Variants in PPARGC1B observed in about 807,000 individuals in gnomAD.
PPARGC1B encodes the protein peroxisome proliferator-activated receptor gamma coactivator 1-beta.
Under a neutral mutation model 101.6 loss-of-function variants are expected in PPARGC1B, and 34 were observed. The ratio of observed to expected loss-of-function variants is 0.33; its 90% CI spans 0.25 to 0.45. The LOEUF (loss-of-function observed/expected upper bound fraction) is 0.45. Among genes scored for constraint, PPARGC1B ranks in the 20% least tolerant of loss-of-function variants. PPARGC1B has a pLI of 1.00. For missense variants in PPARGC1B, 1,234 were observed against 1,317.6 expected, an observed-to-expected ratio of 0.94 and a Z score of 0.98; for synonymous variants, 548 against 539.3, an observed-to-expected ratio of 1.02 and a Z score of -0.22.
intron 1 of PPARGC1B, among the ~76,000 whole-genome samples, chr5:149,755,535 G>T (rs556420633): frequency 6.6e-6 from 1 of 151,890 alleles, no homozygotes; most frequent in Non-Finnish European, 1.5e-5. Flanking sequence ...TTTGGGCCAC[G>T]GTTGCAGAAG....
chr5:149,804,100 G>A (rs1757518751), intron 1 of PPARGC1B, among the ~76,000 whole-genome samples: 1 of 152,254 alleles, frequency 6.6e-6, no homozygotes. Context: ...AATGGATGCG[G>A]AAGGAAACCA....
chr5:149,801,386 G>A (rs1338738349), intron 1 of PPARGC1B, among the ~76,000 whole-genome samples: 2 of 152,230 alleles, frequency 1.3e-5, no homozygotes, highest in Admixed American at 1.3e-4. Context: ...AGGATGAATA[G>A]GAGATAAGTA....
chr5:149,731,546 G>C (rs2113046339), intron 1 of PPARGC1B, among the ~76,000 whole-genome samples: 1 of 150,270 alleles, frequency 6.7e-6, no homozygotes, highest in African/African-American at 2.4e-5. Context: ...GCGGGGGCTG[G>C]TTTGGTACCT....
intron 1 of PPARGC1B, among the ~76,000 whole-genome samples, chr5:149,801,116 T>C (rs931486763): frequency 2.0e-5 from 3 of 152,166 alleles, no homozygotes; most frequent in Non-Finnish European, 2.9e-5. Context: ...GTGGGTGATA[T>C]GGGCACAAGG....
At chr5:149,767,304 A>G (rs889903380) in intron 1 of PPARGC1B, among the ~76,000 whole-genome samples, 20 of 152,146 alleles carry the variant, frequency 1.3e-4, no homozygotes, top group African/African-American at 4.1e-4. Flanking sequence ...TCCCCGCTCT[A>G]TGAGATATGG....
intron 1 of PPARGC1B, among the ~76,000 whole-genome samples, chr5:149,774,020 G>T (rs564708029): frequency 6.6e-6 from 1 of 152,312 alleles, no homozygotes; most frequent in South Asian, 2.1e-4. Context: ...GAGCCTCAGG[G>T]CTCCAGCCTG....
intron 1 of PPARGC1B, among the ~76,000 whole-genome samples, chr5:149,750,468 A>ATG: frequency 1.2e-5 from 1 of 81,918 alleles, no homozygotes; most frequent in African/African-American, 6.0e-5. Context: ...ATATATATAT[A>ATG]TATATATATA....
chr5:149,755,497 G>GTAAA (rs1755483953), intron 1 of PPARGC1B, among the ~76,000 whole-genome samples: 1 of 152,144 alleles, frequency 6.6e-6, no homozygotes, highest in South Asian at 2.1e-4. Context: ...GCTGTTAGAT[G>GTAAA]TAAACCCTGG....
chr5:149,823,595 C>A (rs993356772), intron 2 of PPARGC1B, among the ~76,000 whole-genome samples: 5 of 152,102 alleles, frequency 3.3e-5, no homozygotes, highest in Admixed American at 6.5e-5. Flanking sequence ...AATTTGCACT[C>A]TGTTTCTGTG....
At chr5:149,792,357 A>G (rs1305345279) in intron 1 of PPARGC1B, among the ~76,000 whole-genome samples, 2 of 151,750 alleles carry the variant, frequency 1.3e-5, no homozygotes, top group Non-Finnish European at 2.9e-5. Context: ...GTGGGGTGCT[A>G]CTCCCTCATT....
At chr5:149,788,968 C>T (rs1281669671) in intron 1 of PPARGC1B, among the ~76,000 whole-genome samples, 1 of 152,082 alleles carries the variant, frequency 6.6e-6, no homozygotes, top group Non-Finnish European at 1.5e-5. Flanking sequence ...GGAGATACAC[C>T]TAATGTAGAT....
intron 1 of PPARGC1B, among the ~76,000 whole-genome samples, chr5:149,783,483 C>A (rs970484238): frequency 6.6e-6 from 1 of 152,084 alleles, no homozygotes; most frequent in African/African-American, 2.4e-5. Context: ...ACCAGATAAG[C>A]GAGTGTGTGA....
At chr5:149,807,406 A>G (rs1170692335) in intron 1 of PPARGC1B, among the ~76,000 whole-genome samples, 4 of 152,052 alleles carry the variant, frequency 2.6e-5, no homozygotes, top group Non-Finnish European at 5.9e-5. Context: ...GCAGGGTGTC[A>G]GTGGTCGCCC....
chr5:149,760,337 A>C (rs62382302), intron 1 of PPARGC1B, among the ~76,000 whole-genome samples: 4,204 of 152,340 alleles, frequency 0.028, 85 homozygotes, highest in South Asian at 0.076. Flanking sequence ...CCAGGGGCAC[A>C]GTCTTGGCAT....
chr5:149,752,781 A>T (rs528514927), intron 1 of PPARGC1B, among the ~76,000 whole-genome samples: 12 of 152,172 alleles, frequency 7.9e-5, no homozygotes, highest in African/African-American at 2.9e-4. Context: ...GTGAGCCAAG[A>T]TCGTACCATT....
intron 1 of PPARGC1B, among the ~76,000 whole-genome samples, chr5:149,741,214 C>T (rs1754892059): frequency 6.6e-6 from 1 of 152,182 alleles, no homozygotes. Flanking sequence ...AGAGGGAATG[C>T]GAGGAGATGT....
Position 149,820,540 on chromosome 5 carries a change from G to T in PPARGC1B, c.186G>T (p.Gln62His). Residue 62 changes from glutamine to histidine, a missense_variant, in exon 2 of 12, where the codon CAG (glutamine) becomes CAT (histidine). Coordinates refer to ENST00000309241, the MANE Select transcript of PPARGC1B (RefSeq NM_133263.4). ...FDSATCFGELQWCPENSETEP... is the reference protein window; with the variant it reads ...FDSATCFGELHWCPENSETEP... ...CGGCCACCTGCTTTGGGGAGCTGCAGTGGTGCCCAGAGAACTCAGAGACTG... is the reference window on the plus strand; with the variant it reads ...CGGCCACCTGCTTTGGGGAGCTGCATTGGTGCCCAGAGAACTCAGAGACTG... The T allele has an allele frequency of 6.2e-7, 1 of 1,614,030 alleles. No individual in the cohort carries two copies. Among genetic ancestry groups the T allele is most frequent in the Non-Finnish European group, 8.5e-7 (1 of 1,180,032 alleles).
Position 149,847,564 on chromosome 5 carries a change from G to A in PPARGC1B, c.*6G>A, listed in dbSNP as rs753826852. On this transcript the variant is annotated 3_prime_UTR_variant, in exon 12 of 12. Coordinates refer to ENST00000309241, the MANE Select transcript of PPARGC1B (RefSeq NM_133263.4). ...CCCAGCAGAGCCTGCATTGATAACA[G>A]CCTTAACCCTCGAGGAATACCTCAA... 5 of 1,606,182 alleles carry A rather than the reference G, an allele frequency of 3.1e-6. No individual in the cohort carries two copies. In the East Asian group the frequency reaches 1.1e-4, roughly 36 times the overall value.
Position 149,833,037 on chromosome 5 carries a change from C to G in PPARGC1B, c.964C>G (p.Gln322Glu). Residue 322 changes from glutamine to glutamate, a missense_variant, in exon 5 of 12, where the codon CAG becomes GAG. This residue lies in a region of PPARGC1B where 734 missense variants were observed against 768.4 expected (regional missense o/e 0.96). Transcript: ENST00000309241. The surrounding 1 kb of genome is among the most constrained non-coding windows in gnomAD (Gnocchi z 4.1). ...CAAGGCCTGCAGCAACCCCTCCCAG[C>G]AGGTCAGATCCCGGCCCTGGTCCCG... ...LPKACSNPSQ[Q>E]VRSRPWSRHH... 1 of 1,613,802 alleles carries G rather than the reference C, an allele frequency of 6.2e-7. No homozygotes were observed. The highest frequency in any genetic ancestry group is 2.2e-5 in the East Asian group (1 of 44,874).
Sources: gnomAD v4.1 joint callset for allele counts (sites outside exome capture counted in the v4.1 genomes callset) on GRCh38, gnomAD v4.1.1 for gene constraint, gnomAD v4.1.1 regional missense constraint, Gnocchi (gnomAD v3.1) non-coding constraint, MANE v1.5 for transcripts, NCBI Gene and HGNC (gene_info 2026-07-23, HGNC 2026-07-21) for gene names.